ANXA4: variants seen among roughly 807,000 people sequenced by gnomAD.
The protein encoded by ANXA4 is 35-beta calcimedin.
ANXA4 carries 39 observed loss-of-function variants against 49.8 expected under a neutral mutation model. The ratio of observed to expected loss-of-function variants is 0.78; its 90% CI spans 0.61 to 1.02. The LOEUF (loss-of-function observed/expected upper bound fraction) is 1.02, where lower values mean the gene tolerates loss of function less well. Ranked by LOEUF, ANXA4 falls within the 50% of genes least tolerant of loss-of-function variation. ANXA4 has a pLI of 0.00. For missense variants in ANXA4, 360 were observed against 410.1 expected (o/e 0.88, Z 1.05); for synonymous variants, 134 against 152.5 (o/e 0.88, Z 0.89).
At chr2:69,663,884 G>T (rs1676836081) in intron 2 of ANXA4, among the ~76,000 whole-genome samples, 8 of 152,162 alleles carry the variant, frequency 5.3e-5, no homozygotes. Flanking sequence ...GGAAACAGGG[G>T]AAGAAATGAA....
chr2:69,644,583 C>T (rs1675925874), exon 1 of ANXA4: 1 of 152,182 alleles, frequency 6.6e-6, no homozygotes, highest in African/African-American at 2.4e-5. Flanking sequence ...AGATTCAAAC[C>T]GAGAAACTGC....
At chr2:69,763,800 T>C (rs1301240987) in intron 1 of ANXA4, among the ~76,000 whole-genome samples, 3 of 151,964 alleles carry the variant, frequency 2.0e-5, no homozygotes, top group Admixed American at 6.6e-5. Flanking sequence ...GTAGCTGGGA[T>C]TACAGGCGTG....
At chr2:69,684,232 C>T (rs940054979) in intron 2 of ANXA4, among the ~76,000 whole-genome samples, 1 of 152,176 alleles carries the variant, frequency 6.6e-6, no homozygotes, top group Admixed American at 6.6e-5. Context: ...CAAATTCAAA[C>T]AAGGATGTGG....
chr2:69,696,029 G>A (rs1678148053), intron 2 of ANXA4, among the ~76,000 whole-genome samples: 1 of 152,162 alleles, frequency 6.6e-6, no homozygotes, highest in African/African-American at 2.4e-5. Flanking sequence ...GCTGAAGGTT[G>A]GGTGGCTGTG....
At chr2:69,644,073 T>G, upstream of ANXA4, 1 of 175,710 alleles carries the variant, frequency 5.7e-6, no homozygotes, top group Non-Finnish European at 1.1e-5. Flanking sequence ...CCGTGTGGCC[T>G]CCACGGCCTC....
At chr2:69,668,731 G>A (rs954759998) in intron 2 of ANXA4, among the ~76,000 whole-genome samples, 1 of 152,016 alleles carries the variant, frequency 6.6e-6, no homozygotes, top group Non-Finnish European at 1.5e-5. Flanking sequence ...GCCATATTAC[G>A]CTGTGTATAA....
chr2:69,722,556 T>A (rs1669842459), intron 3 of ANXA4, among the ~76,000 whole-genome samples: 1 of 151,398 alleles, frequency 6.6e-6, no homozygotes, highest in Admixed American at 6.6e-5. Flanking sequence ...GTATAAAATA[T>A]CGGGAACAGG....
At chr2:69,788,749 A>G (rs1263195009) in intron 3 of ANXA4, among the ~76,000 whole-genome samples, 3 of 151,258 alleles carry the variant, frequency 2.0e-5, no homozygotes, top group African/African-American at 4.9e-5. Flanking sequence ...GAGGCAGGAG[A>G]ATGGCGTGAA....
At chr2:69,701,452 C>T (rs951169170) in intron 2 of ANXA4, among the ~76,000 whole-genome samples, 1 of 152,148 alleles carries the variant, frequency 6.6e-6, no homozygotes, top group Non-Finnish European at 1.5e-5. Flanking sequence ...CTTGTAAAAG[C>T]GGAATCATTT....
intron 2 of ANXA4, among the ~76,000 whole-genome samples, chr2:69,720,372 G>C (rs1342504023): frequency 6.6e-6 from 1 of 152,180 alleles, no homozygotes; most frequent in African/African-American, 2.4e-5. Context: ...ATGTTCAAAG[G>C]CTCATAGGTG....
intron 3 of ANXA4, among the ~76,000 whole-genome samples, chr2:69,798,441 C>A (rs942728218): frequency 1.1e-4 from 17 of 152,210 alleles, no homozygotes; most frequent in African/African-American, 3.6e-4. Flanking sequence ...ATGGCTGACA[C>A]CCAGTCAGGC....
intron 3 of ANXA4, among the ~76,000 whole-genome samples, chr2:69,724,475 T>C (rs1669906500): frequency 6.6e-6 from 1 of 152,224 alleles, no homozygotes; most frequent in Admixed American, 6.5e-5. Flanking sequence ...AGGTATGGGC[T>C]AATTGCAGCC....
At chr2:69,805,387 TGAGGTCAG>T (rs1212024731) in intron 4 of ANXA4, among the ~76,000 whole-genome samples, 3 of 152,038 alleles carry the variant, frequency 2.0e-5, no homozygotes, top group African/African-American at 4.8e-5. Flanking sequence ...GTGGATCACT[TGAGGTCAG>T]GAGTTCGAGA....
intron 2 of ANXA4, among the ~76,000 whole-genome samples, chr2:69,673,621 G>C (rs1240678792): frequency 6.6e-6 from 1 of 150,822 alleles, no homozygotes; most frequent in Admixed American, 6.6e-5. Flanking sequence ...AAACCTGCAC[G>C]TTCTGCACAT....
intron 3 of ANXA4, among the ~76,000 whole-genome samples, chr2:69,735,725 TC>T (rs2105454816): frequency 6.6e-6 from 1 of 152,160 alleles, no homozygotes; most frequent in East Asian, 1.9e-4. Flanking sequence ...TGTCTATCGC[TC>T]CAAAAAATAA....
chr2:69,725,193 T>C (rs1669929816), intron 3 of ANXA4, among the ~76,000 whole-genome samples: 1 of 152,124 alleles, frequency 6.6e-6, no homozygotes, highest in Non-Finnish European at 1.5e-5. Context: ...AAATTCTGAC[T>C]CAAGGTGACA....
At chr2:69,781,993 G>A (rs1672219901) in intron 2 of ANXA4, among the ~76,000 whole-genome samples, 1 of 152,156 alleles carries the variant, frequency 6.6e-6, no homozygotes, top group African/African-American at 2.4e-5. Context: ...AACAATATGG[G>A]TGTGTTGGCT....
chr2:69,690,169 G>C (rs533734036), intron 2 of ANXA4, among the ~76,000 whole-genome samples: 29 of 152,210 alleles, frequency 1.9e-4, no homozygotes, highest in Non-Finnish European at 3.5e-4. Context: ...TTTTAGCATG[G>C]TCAGCTGAAA....
At chr2:69,691,149 A>G in intron 2 of ANXA4, among the ~76,000 whole-genome samples, 1 of 148,716 alleles carries the variant, frequency 6.7e-6, no homozygotes. Flanking sequence ...TTTTAAACGG[A>G]GCCTCTCTTT....
Sources: gnomAD v4.1 joint callset for allele counts (sites outside exome capture counted in the v4.1 genomes callset) on GRCh38, gnomAD v4.1.1 for gene constraint, MANE v1.5 for transcripts, NCBI Gene and HGNC (gene_info 2026-07-23, HGNC 2026-07-21) for gene names.